Variants in ESYT2 observed in about 807,000 individuals in gnomAD.
ESYT2 encodes extended synaptotagmin 2.
Under a neutral mutation model 107.2 loss-of-function variants are expected in ESYT2, and 54 were observed. The observed-to-expected ratio is 0.50, with a 90% CI of 0.40 to 0.63. ESYT2 has a LOEUF of 0.63. ESYT2 is among the 30% of genes least tolerant of loss of function. The probability of loss-of-function intolerance (pLI) is 0.00; values close to 1 mark genes in which losing one functional copy is unlikely to be tolerated. For missense variants in ESYT2, 1,020 were observed against 1,094.5 expected (o/e 0.93, Z 0.96); for synonymous variants, 491 against 434.1 (o/e 1.13, Z -1.63).
chr7:158,753,626 CA>C (rs1338681367), intron 13 of ESYT2, among the ~76,000 whole-genome samples: 1 of 104,374 alleles, frequency 9.6e-6, no homozygotes, highest in African/African-American at 3.8e-5. Context: ...TTTTGCTAAG[CA>C]AAAGATTTTA....
At chr7:158,822,654 G>A (rs1014026989) in intron 1 of ESYT2, among the ~76,000 whole-genome samples, 12 of 151,792 alleles carry the variant, frequency 7.9e-5, no homozygotes, top group Admixed American at 2.0e-4. Context: ...TAAAAATAAA[G>A]TAATATTAGA....
At chr7:158,771,312 A>G (rs1315977049) in intron 7 of ESYT2, among the ~76,000 whole-genome samples, 1 of 152,214 alleles carries the variant, frequency 6.6e-6, no homozygotes, top group Non-Finnish European at 1.5e-5. Context: ...ACTTTTTTCT[A>G]CACTGATGTG....
chr7:158,759,908 C>A, intron 12 of ESYT2, 150 bp downstream of exon 12: 1 of 671,108 alleles, frequency 1.5e-6, no homozygotes, highest in Non-Finnish European at 2.6e-6. Flanking sequence ...TTAATTTATC[C>A]CTGATGCTAC....
rs139828444 is a variant in ESYT2 at position 158,741,242 on chromosome 7, G to A, written c.2168+281C>T. 8.7e-4 allele frequency among the ~76,000 whole-genome samples: 133 copies of A among 152,302 alleles called. 2 individuals carry two copies. Among genetic ancestry groups the A allele is most frequent in the Middle Eastern group, 3.4e-3 (1 of 294 alleles). ...AGGCCCAGGCACACAGCAGCGTCCC[G>A]GCGCTGCCTCCTGTCTTTCCTACTG... On this transcript the variant is annotated intron_variant, in intron 18 of 22. Coordinates refer to ENST00000275418, the MANE Select transcript of ESYT2 (RefSeq NM_001367773.1).
chr7:158,828,296 AG>A (rs1228624417), intron 1 of ESYT2, among the ~76,000 whole-genome samples: 1 of 152,266 alleles, frequency 6.6e-6, no homozygotes, highest in African/African-American at 2.4e-5. Context: ...AACAGAGAGA[AG>A]GAAAAGCTGA....
intron 6 of ESYT2, 63 bp downstream of exon 6, chr7:158,787,941 T>A (rs945121996): frequency 1.7e-5 from 23 of 1,336,706 alleles, no homozygotes; most frequent in Non-Finnish European, 2.3e-5. Flanking sequence ...TTATATATTC[T>A]TCCACGGGTA....
chr7:158,805,175 C>G (rs934707728), intron 1 of ESYT2, among the ~76,000 whole-genome samples: 17 of 152,168 alleles, frequency 1.1e-4, no homozygotes, highest in African/African-American at 4.1e-4. Context: ...GGTACCAACA[C>G]AAATTTGTGC....
intron 7 of ESYT2, among the ~76,000 whole-genome samples, chr7:158,769,902 G>GTTAT (rs796906452): frequency 6.6e-6 from 1 of 151,904 alleles, no homozygotes; most frequent in South Asian, 2.1e-4. Context: ...TAAGTTCATG[G>GTTAT]TTATTTATTT....
At chr7:158,765,641 T>A (rs1271440602) in intron 8 of ESYT2, among the ~76,000 whole-genome samples, 1 of 151,948 alleles carries the variant, frequency 6.6e-6, no homozygotes, top group Non-Finnish European at 1.5e-5. Flanking sequence ...AAGGCTGGGG[T>A]GTGAGAATCC....
chr7:158,808,068 T>A lies in ESYT2; in HGVS notation c.331-8996A>T, dbSNP rs367670238. On this transcript the variant is annotated intron_variant, in intron 1 of 22. Transcript: ENST00000275418. ...TTTTTTATTAGAAATACCCCAAATCTTAACATTGGGGTAACTAAAGTGTTT... is the reference window on the plus strand; with the variant it reads ...TTTTTTATTAGAAATACCCCAAATCATAACATTGGGGTAACTAAAGTGTTT... Among the ~76,000 whole-genome samples, 20 of 152,258 alleles carry A rather than the reference T, an allele frequency of 1.3e-4. No individual in the cohort carries two copies. In the South Asian group the frequency reaches 2.1e-3, roughly 16 times the overall value.
intron 10 of ESYT2, among the ~76,000 whole-genome samples, chr7:158,762,310 T>C (rs540215384): frequency 2.3e-4 from 35 of 152,042 alleles, no homozygotes; most frequent in Non-Finnish European, 4.4e-4. Context: ...CCCCCGACAA[T>C]CCAATCCACA....
At chr7:158,776,185 C>CA (rs1459858678) in intron 6 of ESYT2, among the ~76,000 whole-genome samples, 2 of 152,178 alleles carry the variant, frequency 1.3e-5, no homozygotes, top group Non-Finnish European at 2.9e-5. Context: ...GTATAGAACA[C>CA]AGACAGTGTA....
intron 4 of ESYT2, among the ~76,000 whole-genome samples, chr7:158,791,973 T>A (rs1195651966): frequency 6.7e-6 from 1 of 149,934 alleles, no homozygotes; most frequent in Non-Finnish European, 1.5e-5. Flanking sequence ...TTCAGCAATA[T>A]TTTAGTTTTC....
At chr7:158,795,393 T>C (rs746360282) in intron 3 of ESYT2, among the ~76,000 whole-genome samples, 8 of 152,268 alleles carry the variant, frequency 5.3e-5, no homozygotes, top group African/African-American at 1.9e-4. Context: ...AATTAAATTA[T>C]TCCTAAAATA....
At chr7:158,811,926 G>C (rs1367287581) in intron 1 of ESYT2, among the ~76,000 whole-genome samples, 4 of 152,238 alleles carry the variant, frequency 2.6e-5, no homozygotes, top group Non-Finnish European at 5.9e-5. Flanking sequence ...AGGGCAAGAG[G>C]CTAGCCTCGA....
chr7:158,799,168 G>GTT, intron 1 of ESYT2, 96 bp from the exon 2 acceptor site: 3 of 1,067,594 alleles, frequency 2.8e-6, no homozygotes, highest in Non-Finnish European at 4.2e-6. Flanking sequence ...TACGTCCTAT[G>GTT]TTTACAAGAT....
At chr7:158,742,739 TC>T (rs1275658967) in intron 17 of ESYT2, among the ~76,000 whole-genome samples, 1 of 152,240 alleles carries the variant, frequency 6.6e-6, no homozygotes, top group Non-Finnish European at 1.5e-5. Flanking sequence ...AAAGGTTTTT[TC>T]TGGTTTTAGG....
rs530958273 is a variant in ESYT2, at chr7:158,734,101, C to G, written c.*106G>C. 1.5e-6 allele frequency: 2 copies of G among 1,375,146 alleles called. No homozygotes were observed. The highest frequency in any genetic ancestry group is 2.4e-5 in the East Asian group (1 of 41,906). The allele number at this position is 1,375,146 out of a possible 1,614,324, so 85.2% of individuals were successfully genotyped here. A position where few individuals can be genotyped will look rare whatever the true frequency, so the allele number is the denominator to read the frequency against. On this transcript the variant is annotated 3_prime_UTR_variant, in exon 23 of 23. Coordinates refer to ENST00000275418, the MANE Select transcript of ESYT2 (RefSeq NM_001367773.1). ...TATAAAACTATTAAGGTATGTATAA[C>G]TAAATCCATGAAATTATAAAAATAA...
chr7:158,802,298 T>G (rs71523863), intron 1 of ESYT2, among the ~76,000 whole-genome samples: 16,529 of 152,232 alleles, frequency 0.11, 948 homozygotes, highest in African/African-American at 0.13. Context: ...TAAGCATTTT[T>G]TTTTTTGAGA....
Sources: gnomAD v4.1 joint callset for allele counts (sites outside exome capture counted in the v4.1 genomes callset) on GRCh38, gnomAD v4.1.1 for gene constraint, MANE v1.5 for transcripts, NCBI Gene and HGNC (gene_info 2026-07-23, HGNC 2026-07-21) for gene names.